Variants in GOLGA6L9 observed in about 807,000 individuals in gnomAD.
The protein encoded by GOLGA6L9 is golgin subfamily A member 6-like protein 9.
A neutral mutation model predicts 51.3 loss-of-function variants in GOLGA6L9; 19 were observed. That is an observed-to-expected ratio of 0.37 (90% CI 0.26 to 0.54). The LOEUF is 0.54. GOLGA6L9 is among the 20% of genes least tolerant of loss of function. GOLGA6L9 has a pLI of 0.83. For missense variants in GOLGA6L9, 247 were observed against 464.1 expected (o/e 0.53, Z 4.30); for synonymous variants, 97 against 184.2 (o/e 0.53, Z 3.83).
the GOLGA6L9 span, among the ~76,000 whole-genome samples, chr15:82,417,438 G>T: frequency 6.6e-6 from 1 of 152,212 alleles, no homozygotes; most frequent in Non-Finnish European, 1.5e-5. Context: ...AGTGCTGCTG[G>T]AAGTGTATAT....
At position 82,434,203 on chromosome 15, in the gene GOLGA6L9, A is replaced by C; in HGVS notation, c.603A>C (p.Leu201=). 1.9e-6 allele frequency: 3 copies of C among 1,556,876 alleles called. No individual in the cohort carries two copies. The highest frequency in any genetic ancestry group is 2.6e-6 in the Non-Finnish European group (3 of 1,159,202). Residue 201 remains leucine, a synonymous_variant, in exon 6 of 9, where the codon CTA becomes CTC. Transcript: ENST00000618348. The part of the protein sequence containing the change: ...SLLNRRQEER[L]REQEERLREQ... ...TGAACAGGAGACAGGAGGAGAGGCT[A>C]CGTGAACAGGAGGAGAGGCTACGTG...
Position 82,436,596 on chromosome 15 carries a change from ATT to A in GOLGA6L9, c.*187_*188del. On this transcript the variant is annotated 3_prime_UTR_variant, in exon 9 of 9. Coordinates refer to ENST00000618348, the MANE Select transcript of GOLGA6L9 (RefSeq NM_198181.4). ...TGTTTCTAATTTATAGTTTAAATTTATTTGTGTTTCTAATTTATAGTTTAAAT... is the reference window on the plus strand; with the variant it reads ...TGTTTCTAATTTATAGTTTAAATTTATGTGTTTCTAATTTATAGTTTAAAT... 1.7e-6 allele frequency: 1 copy of A among 587,194 alleles called. No individual in the cohort carries two copies. The highest frequency in any genetic ancestry group is 2.7e-6 in the Non-Finnish European group (1 of 372,760). The allele number at this position is 587,194 out of a possible 1,614,324, so 36.4% of individuals were successfully genotyped here. A position where few individuals can be genotyped will look rare whatever the true frequency, so the allele number is the denominator to read the frequency against.
chr15:82,424,253 G>T, the GOLGA6L9 span, among the ~76,000 whole-genome samples: 1 of 151,572 alleles, frequency 6.6e-6, no homozygotes, highest in African/African-American at 2.4e-5. Flanking sequence ...TGTATTTTTA[G>T]TAAAGACGAG....
intron 2 of GOLGA6L9, 32 bp from the exon 3 acceptor site, chr15:82,432,540 A>G: frequency 6.3e-7 from 1 of 1,598,864 alleles, no homozygotes; most frequent in East Asian, 2.2e-5. Context: ...GGGGGGACAG[A>G]ACATCTCCAT....
At chr15:82,416,637 G>C in the GOLGA6L9 span, among the ~76,000 whole-genome samples, 2,674 of 152,232 alleles carry the variant, frequency 0.018, 26 homozygotes, top group Non-Finnish European at 0.025. Context: ...AACTATTAAG[G>C]AGAAATTATT....
At chr15:82,417,244 T>C in the GOLGA6L9 span, among the ~76,000 whole-genome samples, 1 of 152,224 alleles carries the variant, frequency 6.6e-6, no homozygotes, top group Non-Finnish European at 1.5e-5. Context: ...TGTCTGTATA[T>C]GTGGCATATT....
chr15:82,424,455 T>C, the GOLGA6L9 span, among the ~76,000 whole-genome samples: 10 of 152,214 alleles, frequency 6.6e-5, no homozygotes, highest in Admixed American at 5.2e-4. Flanking sequence ...CAGAGACCAG[T>C]AGGTGCAAAG....
upstream of GOLGA6L9, among the ~76,000 whole-genome samples, chr15:82,429,111 G>A (rs2031301967): frequency 6.6e-6 from 1 of 151,624 alleles, no homozygotes; most frequent in South Asian, 2.1e-4. Context: ...GTCTTGCTCT[G>A]TCACCCAGGC....
At chr15:82,416,058 A>C in the GOLGA6L9 span, 1 of 152,234 alleles carries the variant, frequency 6.6e-6, no homozygotes, top group Non-Finnish European at 1.5e-5. Flanking sequence ...AGCTGCAAAG[A>C]GTTGCTCTTC....
chr15:82,425,871 C>T (rs1427558328), upstream of GOLGA6L9, among the ~76,000 whole-genome samples: 4 of 149,360 alleles, frequency 2.7e-5, no homozygotes, highest in South Asian at 4.3e-4. Context: ...TAAGAATATA[C>T]GTGTGTATTT....
At chr15:82,429,241 G>C (rs1450692401), upstream of GOLGA6L9, among the ~76,000 whole-genome samples, 2 of 151,548 alleles carry the variant, frequency 1.3e-5, no homozygotes, top group East Asian at 3.9e-4. Context: ...CACCTGGTTA[G>C]TTTTTGTATT....
the GOLGA6L9 span, among the ~76,000 whole-genome samples, chr15:82,419,802 A>T: frequency 6.6e-6 from 1 of 152,174 alleles, no homozygotes; most frequent in African/African-American, 2.4e-5. Context: ...CACTTAGAAC[A>T]TTGGTTTGTT....
rs2031682464 is a variant in GOLGA6L9, at chr15:82,436,495, T to G, written c.*84T>G. ...CAATTCATTTACTTCATTTGAATGT[T>G]AGAGCCACTTATGTTTGTGTTTCTA... On this transcript the variant is annotated 3_prime_UTR_variant, in exon 9 of 9. Coordinates refer to ENST00000618348, the MANE Select transcript of GOLGA6L9 (RefSeq NM_198181.4). 1 of 1,526,464 alleles carries G rather than the reference T, an allele frequency of 6.6e-7. No individual in the cohort carries two copies. The highest frequency in any genetic ancestry group is 1.4e-5 in the African/African-American group (1 of 72,204). The allele number at this position is 1,526,464 out of a possible 1,614,324, so 94.6% of individuals were successfully genotyped here.
upstream of GOLGA6L9, among the ~76,000 whole-genome samples, chr15:82,427,059 G>GTT (rs1335044059): frequency 3.4e-5 from 5 of 146,230 alleles, no homozygotes; most frequent in African/African-American, 5.0e-5. Flanking sequence ...AAAATCATTT[G>GTT]TTTTTTTTTC....
chr15:82,418,345 C>A, the GOLGA6L9 span, among the ~76,000 whole-genome samples: 1 of 152,130 alleles, frequency 6.6e-6, no homozygotes, highest in East Asian at 1.9e-4. Flanking sequence ...GAAGGAATCT[C>A]AAGCAAGGGA....
rs1315796179 is a variant in GOLGA6L9, at chr15:82,436,807, A to G, written c.*396A>G. The G allele has an allele frequency of 6.0e-6, 1 of 165,784 alleles. No individual in the cohort carries two copies. Among genetic ancestry groups the G allele is most frequent in the Non-Finnish European group, 1.2e-5 (1 of 81,880 alleles). 10.3% of individuals were successfully genotyped at this position (165,784 alleles called of 1,614,324 possible). On this transcript the variant is annotated 3_prime_UTR_variant, in exon 9 of 9. Coordinates refer to ENST00000618348, the MANE Select transcript of GOLGA6L9 (RefSeq NM_198181.4). ...GTTCAAACACACAAAGACCCACTGTATGCACACAACTGTTCTTGCTGGTTT... is the reference window on the plus strand; with the variant it reads ...GTTCAAACACACAAAGACCCACTGTGTGCACACAACTGTTCTTGCTGGTTT...
At chr15:82,419,087 G>A in the GOLGA6L9 span, 2 of 156,650 alleles carry the variant, frequency 1.3e-5, no homozygotes, top group Non-Finnish European at 2.8e-5. Context: ...GTATGTTCAT[G>A]CTTACGTGTT....
intron 5 of GOLGA6L9, 50 bp downstream of exon 5, chr15:82,433,699 GT>G (rs2031520130): frequency 1.5e-6 from 1 of 663,456 alleles, no homozygotes. Context: ...TTAGAGGGCT[GT>G]GGGGGTGACT....
the GOLGA6L9 span, chr15:82,418,560 TG>T: frequency 6.6e-6 from 1 of 152,250 alleles, no homozygotes; most frequent in Non-Finnish European, 1.5e-5. Context: ...GAAATTATTT[TG>T]TTTGAGAAAG....
Sources: allele counts gnomAD v4.1 joint callset (sites outside exome capture counted in the v4.1 genomes callset), GRCh38; gene constraint gnomAD v4.1.1; transcripts MANE v1.5; gene names NCBI Gene and HGNC (gene_info 2026-07-23, HGNC 2026-07-21).